Variants in BEND6 observed in about 807,000 individuals in gnomAD.
BEND6 encodes the protein BEN domain-containing protein 6.
A neutral mutation model predicts 31.8 loss-of-function variants in BEND6; 24 were observed. That is an observed-to-expected ratio of 0.75 (90% CI 0.55 to 1.06). The LOEUF is 1.06. Among genes scored for constraint, BEND6 ranks in the 50% least tolerant of loss-of-function variants. The pLI, the probability that BEND6 is intolerant of heterozygous loss-of-function variation, is 0.00. For missense variants in BEND6, 294 were observed against 327.4 expected (o/e 0.90, Z 0.79); for synonymous variants, 109 against 114.6 (o/e 0.95, Z 0.31).
At chr6:56,960,625 G>A (rs1045747991) in intron 1 of BEND6, among the ~76,000 whole-genome samples, 9 of 152,030 alleles carry the variant, frequency 5.9e-5, no homozygotes, top group African/African-American at 2.2e-4. Flanking sequence ...TAAATATTTT[G>A]TGCTAATAGA....
intron 3 of BEND6, among the ~76,000 whole-genome samples, chr6:57,007,618 T>C (rs1184946003): frequency 1.3e-5 from 2 of 151,972 alleles, no homozygotes; most frequent in Non-Finnish European, 2.9e-5. Flanking sequence ...AGACCCTATC[T>C]CTACAAAAAA....
intron 2 of BEND6, among the ~76,000 whole-genome samples, chr6:56,982,874 A>G (rs1413606202): frequency 2.0e-5 from 3 of 152,110 alleles, no homozygotes; most frequent in Non-Finnish European, 4.4e-5. Flanking sequence ...AAAACTAACC[A>G]TATATATTGC....
intron 3 of BEND6, chr6:57,004,481 A>G: frequency 3.0e-6 from 2 of 656,202 alleles, no homozygotes; most frequent in Non-Finnish European, 2.8e-6. Context: ...GCGCCCTGGG[A>G]CCGTCCCAAG....
At chr6:56,961,588 G>A (rs1053582266) in intron 1 of BEND6, among the ~76,000 whole-genome samples, 3 of 152,204 alleles carry the variant, frequency 2.0e-5, no homozygotes, top group Non-Finnish European at 4.4e-5. Context: ...ATAGCTAGAT[G>A]TTTGAATGGA....
intron 2 of BEND6, among the ~76,000 whole-genome samples, chr6:56,983,201 T>C (rs943132827): frequency 3.3e-5 from 5 of 152,218 alleles, no homozygotes; most frequent in Non-Finnish European, 5.9e-5. Context: ...TTCAGGTATA[T>C]AACATCACGT....
chr6:56,996,258 G>A (rs762597955), intron 3 of BEND6, among the ~76,000 whole-genome samples: 14 of 152,024 alleles, frequency 9.2e-5, no homozygotes, highest in Non-Finnish European at 7.4e-5. Flanking sequence ...ACCAACCTGG[G>A]CAACGTGACA....
At chr6:57,010,623 C>T (rs987008338) in intron 3 of BEND6, 23 of 907,186 alleles carry the variant, frequency 2.5e-5, no homozygotes, top group Non-Finnish European at 2.9e-5. Flanking sequence ...TGGATTGAGA[C>T]TTGCCATGAA....
chr6:56,978,345 A>G (rs1275077095), intron 1 of BEND6, among the ~76,000 whole-genome samples: 1 of 152,154 alleles, frequency 6.6e-6, no homozygotes, highest in African/African-American at 2.4e-5. Flanking sequence ...GTATACTCAC[A>G]GTATTTTGCA....
rs1403375909 is a variant in BEND6, at chr6:56,968,483, G to A, written c.-101+13023G>A. Among the ~76,000 whole-genome samples, 2 of 151,034 alleles carry A rather than the reference G, an allele frequency of 1.3e-5. 1 individual carries two copies. Among genetic ancestry groups the A allele is most frequent in the South Asian group, 4.2e-4 (2 of 4,792 alleles). On this transcript the variant is annotated intron_variant, in intron 1 of 6. Transcript: ENST00000370746. ...CTGTAGGTGTGCCCCACCATGCCTG[G>A]CTAATTTTTTTTTTATTTTTTGTAG...
chr6:57,015,594 G>A (rs1827526351), intron 4 of BEND6, among the ~76,000 whole-genome samples: 3 of 150,616 alleles, frequency 2.0e-5, no homozygotes, highest in Admixed American at 1.3e-4. Flanking sequence ...AGGTCAGATC[G>A]AGACCATCCT....
chr6:57,004,879 G>T, intron 3 of BEND6: 1 of 611,410 alleles, frequency 1.6e-6, no homozygotes, highest in Admixed American at 2.3e-5. Flanking sequence ...CAGACATGGT[G>T]GCATGTGCCA....
Position 56,963,784 on chromosome 6 carries a change from A to ATATTACTATTAATAAATTAATATAATT in BEND6, c.-101+8351_-101+8377dup, listed in dbSNP as rs1028816042. Among the ~76,000 whole-genome samples the ATATTACTATTAATAAATTAATATAATT allele has an allele frequency of 2.0e-3, 299 of 149,078 alleles. 4 individuals carry two copies. Among genetic ancestry groups the ATATTACTATTAATAAATTAATATAATT allele is most frequent in the South Asian group, 0.013 (60 of 4,764 alleles). ...TCAGTTTGCTTCAATTAATAATAAA[A>ATATTACTATTAATAAATTAATATAATT]TATTACTATTAATAAATTAATATAA... On this transcript the variant is annotated intron_variant, in intron 1 of 6. Coordinates refer to ENST00000370746, the MANE Select transcript of BEND6 (RefSeq NM_152731.3).
intron 2 of BEND6, among the ~76,000 whole-genome samples, chr6:56,989,973 C>T (rs977127548): frequency 1.3e-5 from 2 of 152,086 alleles, no homozygotes; most frequent in African/African-American, 4.8e-5. Context: ...CTTTCCTGCC[C>T]CAAGTTCAAA....
At chr6:56,965,264 G>A (rs1384920983) in intron 1 of BEND6, among the ~76,000 whole-genome samples, 1 of 152,004 alleles carries the variant, frequency 6.6e-6, no homozygotes, top group Non-Finnish European at 1.5e-5. Context: ...TTGGTAACAG[G>A]TAAGACGGGA....
intron 3 of BEND6, among the ~76,000 whole-genome samples, chr6:57,003,903 A>C (rs1164500024): frequency 1.3e-5 from 2 of 152,254 alleles, no homozygotes; most frequent in Non-Finnish European, 2.9e-5. Context: ...GTGATTTACC[A>C]CATAAACAAA....
chr6:56,957,848 C>T (rs894814065), intron 1 of BEND6, among the ~76,000 whole-genome samples: 3 of 152,102 alleles, frequency 2.0e-5, no homozygotes, highest in African/African-American at 7.2e-5. Context: ...ATTATATAGC[C>T]CTTCTTCCCT....
chr6:56,981,649 A>G, intron 1 of BEND6, 62 bp from the exon 2 acceptor site: 1 of 661,884 alleles, frequency 1.5e-6, no homozygotes, highest in East Asian at 3.1e-5. Context: ...AGTGGCTAGT[A>G]CCATTATGAA....
At chr6:57,011,823 G>A (rs1053445749) in intron 3 of BEND6, among the ~76,000 whole-genome samples, 3 of 151,508 alleles carry the variant, frequency 2.0e-5, no homozygotes, top group Admixed American at 1.3e-4. Flanking sequence ...GTGAGAAAAG[G>A]AGCATTTAAA....
chr6:57,002,916 G>A (rs1826999354), intron 3 of BEND6, among the ~76,000 whole-genome samples: 1 of 152,022 alleles, frequency 6.6e-6, no homozygotes, highest in Non-Finnish European at 1.5e-5. Flanking sequence ...GAAACTAAAA[G>A]TTTGTTCTTT....
Sources: allele counts gnomAD v4.1 joint callset (sites outside exome capture counted in the v4.1 genomes callset), GRCh38; gene constraint gnomAD v4.1.1; transcripts MANE v1.5; gene names NCBI Gene and HGNC (gene_info 2026-07-23, HGNC 2026-07-21).